The following DACH1 variants were observed in gnomAD, a reference collection of about 807,000 sequenced individuals.
DACH1 encodes dachshund family transcription factor 1.
Under a neutral mutation model 54.2 loss-of-function variants are expected in DACH1, and 12 were observed. The observed-to-expected ratio is 0.22, with a 90% CI of 0.14 to 0.36. DACH1 has a LOEUF of 0.36. Ranked by LOEUF, DACH1 falls within the 10% of genes least tolerant of loss-of-function variation. The pLI is 1.00. For missense variants in DACH1, 805 were observed against 929.8 expected, an observed-to-expected ratio of 0.87 and a Z score of 1.75; for synonymous variants, 386 against 366.2, an observed-to-expected ratio of 1.05 and a Z score of -0.62.
At chr13:71,509,037 C>T (rs937429397) in intron 6 of DACH1, among the ~76,000 whole-genome samples, 2 of 152,152 alleles carry the variant, frequency 1.3e-5, no homozygotes, top group African/African-American at 4.8e-5. Context: ...CTTCAACTGT[C>T]ACCCTACACC....
intron 8 of DACH1, among the ~76,000 whole-genome samples, chr13:71,477,277 C>A (rs997535636): frequency 6.6e-6 from 1 of 150,904 alleles, no homozygotes; most frequent in Non-Finnish European, 1.5e-5. Flanking sequence ...CCTGCCACCA[C>A]GCCCGGCTAA....
intron 10 of DACH1, among the ~76,000 whole-genome samples, chr13:71,456,102 G>A (rs1348038348): frequency 2.0e-5 from 3 of 152,060 alleles, no homozygotes; most frequent in African/African-American, 7.2e-5. Context: ...GGAAACATCT[G>A]AGCACTATGG....
intron 6 of DACH1, among the ~76,000 whole-genome samples, chr13:71,529,407 C>A (rs1448208178): frequency 6.6e-6 from 1 of 151,766 alleles, no homozygotes; most frequent in African/African-American, 2.4e-5. Flanking sequence ...CGATGGTCTC[C>A]ATCTCTTGAC....
At chr13:71,861,701 T>G (rs899233251) in intron 1 of DACH1, among the ~76,000 whole-genome samples, 1 of 151,906 alleles carries the variant, frequency 6.6e-6, no homozygotes, top group African/African-American at 2.4e-5. Context: ...ATACGAAAAC[T>G]TCAAAAGCAG....
intron 2 of DACH1, among the ~76,000 whole-genome samples, chr13:71,653,138 A>T (rs1051596001): frequency 6.6e-6 from 1 of 152,142 alleles, no homozygotes; most frequent in Non-Finnish European, 1.5e-5. Context: ...AGTTCAACTT[A>T]ATTTCTATTA....
At chr13:71,703,472 A>G (rs1335679678) in intron 1 of DACH1, among the ~76,000 whole-genome samples, 5 of 152,192 alleles carry the variant, frequency 3.3e-5, no homozygotes, top group African/African-American at 1.2e-4. Flanking sequence ...GCAGTCCTCA[A>G]ATATAAAGAA....
intron 1 of DACH1, among the ~76,000 whole-genome samples, chr13:71,788,986 A>G (rs796492934): frequency 6.6e-6 from 1 of 152,106 alleles, no homozygotes; most frequent in African/African-American, 2.4e-5. Context: ...TTCTGTTTTA[A>G]TTGTAACAAT....
intron 7 of DACH1, among the ~76,000 whole-genome samples, chr13:71,480,027 C>T (rs958970397): frequency 6.6e-6 from 1 of 152,072 alleles, no homozygotes; most frequent in African/African-American, 2.4e-5. Flanking sequence ...GTGGTATTGA[C>T]ATATATTTAT....
intron 1 of DACH1, among the ~76,000 whole-genome samples, chr13:71,751,693 AAACT>A (rs1162061642): frequency 6.6e-6 from 1 of 152,170 alleles, no homozygotes; most frequent in African/African-American, 2.4e-5. Context: ...AAAAAGTAAA[AAACT>A]AACAATTTTA....
chr13:71,853,865 A>G (rs1873828692), intron 1 of DACH1, among the ~76,000 whole-genome samples: 1 of 152,174 alleles, frequency 6.6e-6, no homozygotes, highest in Non-Finnish European at 1.5e-5. Flanking sequence ...CTAATCTAGC[A>G]TCTGTCATTC....
chr13:71,658,151 T>C (rs377304986), intron 2 of DACH1, among the ~76,000 whole-genome samples: 2 of 152,198 alleles, frequency 1.3e-5, no homozygotes, highest in South Asian at 2.1e-4. Context: ...ACAATAATTA[T>C]GGTGATTTCC....
intron 3 of DACH1, among the ~76,000 whole-genome samples, chr13:71,617,438 A>T (rs566061896): frequency 4.6e-4 from 70 of 152,194 alleles, no homozygotes; most frequent in Non-Finnish European, 8.8e-4. Context: ...AGTTTATGAT[A>T]CAGAAATTTC....
At chr13:71,789,550 C>G (rs917672460) in intron 1 of DACH1, among the ~76,000 whole-genome samples, 6 of 151,484 alleles carry the variant, frequency 4.0e-5, no homozygotes, top group African/African-American at 1.5e-4. Flanking sequence ...ATTTATGTTG[C>G]CTTTCACTAT....
intron 2 of DACH1, among the ~76,000 whole-genome samples, chr13:71,662,950 T>C (rs1449781155): frequency 6.6e-6 from 1 of 151,984 alleles, no homozygotes; most frequent in Non-Finnish European, 1.5e-5. Context: ...TCATTCATCT[T>C]TGCAACTCAT....
chr13:71,516,829 C>T (rs371767179), intron 6 of DACH1, among the ~76,000 whole-genome samples: 13 of 151,710 alleles, frequency 8.6e-5, no homozygotes, highest in African/African-American at 2.7e-4. Context: ...AGAGATTATT[C>T]TAGCATCTGT....
At chr13:71,749,697 A>G (rs1333804011) in intron 1 of DACH1, among the ~76,000 whole-genome samples, 4 of 152,224 alleles carry the variant, frequency 2.6e-5, no homozygotes, top group Non-Finnish European at 5.9e-5. Context: ...AGAAATGTTA[A>G]TATTGTAGAG....
chr13:71,810,429 G>T (rs1024782902), intron 1 of DACH1, among the ~76,000 whole-genome samples: 1 of 152,098 alleles, frequency 6.6e-6, no homozygotes, highest in Admixed American at 6.6e-5. Flanking sequence ...GTGGAATAGT[G>T]AACACCTACA....
intron 1 of DACH1, among the ~76,000 whole-genome samples, chr13:71,755,635 G>A (rs940928121): frequency 6.6e-6 from 1 of 152,260 alleles, no homozygotes; most frequent in South Asian, 2.1e-4. Context: ...TTTTAATTCA[G>A]TACATTAAGA....
chr13:71,480,413 T>C (rs1383701666), intron 7 of DACH1, among the ~76,000 whole-genome samples: 1 of 152,212 alleles, frequency 6.6e-6, no homozygotes, highest in Non-Finnish European at 1.5e-5. Context: ...TGACATACTG[T>C]ATGCTTTTAA....
Sources: gnomAD v4.1 joint callset for allele counts (sites outside exome capture counted in the v4.1 genomes callset) on GRCh38, gnomAD v4.1.1 for gene constraint, MANE v1.5 for transcripts, NCBI Gene and HGNC (gene_info 2026-07-23, HGNC 2026-07-21) for gene names.